The following ADGRL3 variants were observed in gnomAD, a reference collection of about 807,000 sequenced individuals.
ADGRL3 encodes adhesion G protein-coupled receptor L3.
Under a neutral mutation model 153.5 loss-of-function variants are expected in ADGRL3, and 62 were observed. That is an observed-to-expected ratio of 0.40 (90% CI 0.33 to 0.50). The LOEUF (loss-of-function observed/expected upper bound fraction) is 0.50, where lower values mean the gene tolerates loss of function less well. Among genes scored for constraint, ADGRL3 ranks in the 20% least tolerant of loss-of-function variants. ADGRL3 has a pLI of 0.47. For synonymous variants in ADGRL3, 710 were observed against 672.5 expected (o/e 1.06, Z -0.86); for missense variants, 1,641 against 1,859.4 (o/e 0.88, Z 2.16).
intron 8 of ADGRL3, among the ~76,000 whole-genome samples, chr4:61,804,581 A>T (rs181574741): frequency 7.2e-5 from 11 of 152,180 alleles, no homozygotes; most frequent in Admixed American, 2.0e-4. Context: ...GATATTAAAA[A>T]TTTTTCACTC....
chr4:61,308,296 C>G (rs1469931880), intron 1 of ADGRL3, among the ~76,000 whole-genome samples: 3 of 152,158 alleles, frequency 2.0e-5, no homozygotes, highest in Non-Finnish European at 2.9e-5. Flanking sequence ...GTCTCCCACC[C>G]TAACACTGTT....
intron 1 of ADGRL3, among the ~76,000 whole-genome samples, chr4:61,274,405 A>T (rs936279663): frequency 6.6e-6 from 1 of 152,190 alleles, no homozygotes; most frequent in Non-Finnish European, 1.5e-5. Flanking sequence ...GCTTTAAACT[A>T]TGTTGGCCCC....
chr4:61,344,142 G>T (rs1210506306), intron 1 of ADGRL3, among the ~76,000 whole-genome samples: 1 of 152,180 alleles, frequency 6.6e-6, no homozygotes, highest in East Asian at 1.9e-4. Context: ...AGAAACAATT[G>T]CTATGATTTA....
intron 4 of ADGRL3, among the ~76,000 whole-genome samples, chr4:61,540,071 T>G (rs551653602): frequency 2.9e-4 from 44 of 152,196 alleles, no homozygotes; most frequent in Non-Finnish European, 5.6e-4. Context: ...TTCAGCACTA[T>G]GCATGTATTA....
chr4:61,503,101 A>G (rs1361043465), intron 3 of ADGRL3, among the ~76,000 whole-genome samples: 2 of 152,230 alleles, frequency 1.3e-5, no homozygotes, highest in Non-Finnish European at 2.9e-5. Context: ...TCAGTCGCTA[A>G]TACCACAATG....
intron 8 of ADGRL3, among the ~76,000 whole-genome samples, chr4:61,760,167 C>T (rs1418901626): frequency 6.6e-6 from 1 of 152,148 alleles, no homozygotes; most frequent in Non-Finnish European, 1.5e-5. Flanking sequence ...CTGGGAGAAC[C>T]ACTATTCTCT....
At chr4:61,726,490 C>T (rs746757621) in intron 6 of ADGRL3, among the ~76,000 whole-genome samples, 2 of 152,150 alleles carry the variant, frequency 1.3e-5, no homozygotes, top group East Asian at 3.9e-4. Context: ...TGAGCCACCA[C>T]GCCCAGCCTG....
intron 3 of ADGRL3, among the ~76,000 whole-genome samples, chr4:61,505,451 CT>C (rs2098421946): frequency 6.6e-6 from 1 of 151,866 alleles, no homozygotes; most frequent in Non-Finnish European, 1.5e-5. Flanking sequence ...TATAGGAGAC[CT>C]GTATACTGGT....
chr4:62,050,303 C>CT (rs1335904481), intron 25 of ADGRL3, among the ~76,000 whole-genome samples: 41 of 152,144 alleles, frequency 2.7e-4, no homozygotes, highest in African/African-American at 9.9e-4. Flanking sequence ...TTTCTTCTCC[C>CT]TACCTTAGAT....
intron 2 of ADGRL3, among the ~76,000 whole-genome samples, chr4:61,473,071 G>C (rs563205464): frequency 6.6e-6 from 1 of 152,156 alleles, no homozygotes; most frequent in East Asian, 1.9e-4. Context: ...TTTTTTCAGA[G>C]AATTTTCAGT....
chr4:61,906,306 T>C (rs1164623008), intron 11 of ADGRL3: 2 of 152,142 alleles, frequency 1.3e-5, no homozygotes, highest in African/African-American at 4.8e-5. Context: ...TAATATTTCA[T>C]GGTATGGGCT....
chr4:61,675,761 A>T (rs2095169823), intron 5 of ADGRL3, among the ~76,000 whole-genome samples: 1 of 151,918 alleles, frequency 6.6e-6, no homozygotes, highest in Non-Finnish European at 1.5e-5. Flanking sequence ...ACATCAGGGT[A>T]AATGGGATAT....
intron 8 of ADGRL3, among the ~76,000 whole-genome samples, chr4:61,788,115 G>T (rs2097299023): frequency 6.6e-6 from 1 of 152,068 alleles, no homozygotes; most frequent in African/African-American, 2.4e-5. Flanking sequence ...ACTCATAAAA[G>T]AACAACCTTG....
chr4:61,964,133 A>G (rs2098997854), intron 17 of ADGRL3, among the ~76,000 whole-genome samples: 1 of 152,218 alleles, frequency 6.6e-6, no homozygotes, highest in Non-Finnish European at 1.5e-5. Flanking sequence ...TTCTGATTCC[A>G]GTGTTTTAAG....
At chr4:61,983,789 G>A (rs1581743186) in intron 19 of ADGRL3, among the ~76,000 whole-genome samples, 186 bp downstream of exon 19, 1 of 152,238 alleles carries the variant, frequency 6.6e-6, no homozygotes, top group Non-Finnish European at 1.5e-5. Flanking sequence ...TTATCATGAT[G>A]CTGTTTTAAA....
chr4:61,976,179 T>G (rs2099047358), intron 17 of ADGRL3, among the ~76,000 whole-genome samples: 1 of 152,154 alleles, frequency 6.6e-6, no homozygotes, highest in Admixed American at 6.5e-5. Flanking sequence ...GGTATATAGT[T>G]TGTTTTATAG....
At chr4:61,410,853 G>A (rs1369773648) in intron 2 of ADGRL3, among the ~76,000 whole-genome samples, 1 of 152,164 alleles carries the variant, frequency 6.6e-6, no homozygotes, top group East Asian at 1.9e-4. Context: ...GCAGTTTTGG[G>A]GCAGAGAGTG....
intron 9 of ADGRL3, among the ~76,000 whole-genome samples, chr4:61,858,620 C>CAAAAACA (rs2098306238): frequency 6.6e-6 from 1 of 151,968 alleles, no homozygotes; most frequent in Admixed American, 6.6e-5. Context: ...GACTAGGTCT[C>CAAAAACA]AAAAACAAAA....
intron 6 of ADGRL3, among the ~76,000 whole-genome samples, chr4:61,726,199 C>CTTTTT (rs1012113549): frequency 1.2e-4 from 10 of 82,996 alleles, no homozygotes; most frequent in Non-Finnish European, 2.2e-4. Context: ...CTCACTGGAA[C>CTTTTT]TTTTTTTTTT....
Sources: allele counts gnomAD v4.1 joint callset (sites outside exome capture counted in the v4.1 genomes callset), GRCh38; gene constraint gnomAD v4.1.1; transcripts MANE v1.5; gene names NCBI Gene and HGNC (gene_info 2026-07-23, HGNC 2026-07-21).